KLF13: variants seen among roughly 807,000 people sequenced by gnomAD.
KLF13 encodes KLF transcription factor 13, also known as Krueppel-like factor 13.
A neutral mutation model predicts 16.7 loss-of-function variants in KLF13; 8 were observed. The ratio of observed to expected loss-of-function variants is 0.48; its 90% confidence interval spans 0.28 to 0.87. KLF13 has a LOEUF of 0.87. Ranked by LOEUF, KLF13 falls within the 40% of genes least tolerant of loss-of-function variation. The probability of loss-of-function intolerance (pLI) is 0.10; values close to 1 mark genes in which losing one functional copy is unlikely to be tolerated. For synonymous variants in KLF13, 245 were observed against 208.4 expected, an observed-to-expected ratio of 1.18 and a Z score of -1.51; for missense variants, 447 against 452.2, an observed-to-expected ratio of 0.99 and a Z score of 0.10.
intron 1 of KLF13, among the ~76,000 whole-genome samples, chr15:31,371,370 C>G (rs1181117775): frequency 6.6e-6 from 1 of 152,236 alleles, no homozygotes; most frequent in Non-Finnish European, 1.5e-5. Context: ...ACACTTGGGT[C>G]TGCAAGAGGC....
intron 1 of KLF13, among the ~76,000 whole-genome samples, chr15:31,343,071 T>G (rs1341412559): frequency 1.3e-5 from 2 of 152,226 alleles, no homozygotes; most frequent in East Asian, 1.9e-4. Context: ...CAGGCTCCTG[T>G]GCTTGGGGAG....
At chr15:31,418,833 G>T (rs2141006681) in intron 1 of KLF13, among the ~76,000 whole-genome samples, 1 of 152,254 alleles carries the variant, frequency 6.6e-6, no homozygotes, top group South Asian at 2.1e-4. Flanking sequence ...ATTTAGGTTT[G>T]GTGTGGTGGC....
intron 1 of KLF13, among the ~76,000 whole-genome samples, chr15:31,418,002 C>T (rs139460845): frequency 1.2e-4 from 18 of 152,142 alleles, no homozygotes; most frequent in African/African-American, 4.3e-4. Flanking sequence ...ATACAGGGAG[C>T]TTGTGAATAA....
chr15:31,425,965 C>A (rs929384537), intron 1 of KLF13, among the ~76,000 whole-genome samples: 20 of 152,144 alleles, frequency 1.3e-4, no homozygotes, highest in Non-Finnish European at 2.4e-4. Context: ...CACAAGATAC[C>A]CTAAATTATT....
In KLF13 at chr15:31,327,163, G is replaced by A; in HGVS notation, c.-50G>A. On this transcript the variant is annotated 5_prime_UTR_variant, in exon 1 of 2. Coordinates refer to ENST00000307145, the MANE Select transcript of KLF13 (RefSeq NM_015995.4). ...CTCCCGAGGCCGTGGGTGCGGATGC[G>A]CGGCTGACGACTCGCAGCAAGAGCA... is the stretch of plus-strand genomic sequence containing the variant. The A allele has an allele frequency of 1.6e-6, 2 of 1,252,838 alleles. No homozygotes were observed. The highest frequency in any genetic ancestry group is 2.0e-6 in the Non-Finnish European group (2 of 996,852). The allele number at this position is 1,252,838 out of a possible 1,614,324, so 77.6% of individuals were successfully genotyped here.
rs924526213 is a variant in KLF13, at chr15:31,374,103, C to T, written c.*1804C>T. 2 of 152,748 alleles carry T rather than the reference C, an allele frequency of 1.3e-5. No homozygotes were observed. Among genetic ancestry groups the T allele is most frequent in the African/African-American group, 2.4e-5 (1 of 41,438 alleles). 9.5% of individuals were successfully genotyped at this position (152,748 alleles called of 1,614,324 possible). A position where few individuals can be genotyped will look rare whatever the true frequency, so the allele number is the denominator to read the frequency against. ...CACAAACCCAGGACCCAGGCCTAGC[C>T]ACTGCCCACAGCTGATGGTCACTGT... is the stretch of plus-strand genomic sequence containing the variant. On this transcript the variant is annotated 3_prime_UTR_variant, in exon 2 of 2. Transcript: ENST00000307145.
At chr15:31,391,962 C>G (rs1449172345), upstream of KLF13, among the ~76,000 whole-genome samples, 3 of 152,076 alleles carry the variant, frequency 2.0e-5, no homozygotes, top group Non-Finnish European at 2.9e-5. Flanking sequence ...GCAGCCGGGA[C>G]GGCTGGGCCG....
upstream of KLF13, among the ~76,000 whole-genome samples, chr15:31,390,703 G>A (rs2039851854): frequency 6.6e-6 from 1 of 152,048 alleles, no homozygotes; most frequent in Admixed American, 6.5e-5. Flanking sequence ...CTCTAATCTT[G>A]TATTGTTAAT....
intron 1 of KLF13, among the ~76,000 whole-genome samples, chr15:31,337,937 T>C (rs1369738642): frequency 1.3e-5 from 2 of 152,182 alleles, no homozygotes; most frequent in Non-Finnish European, 2.9e-5. Context: ...GTGTCCCCTT[T>C]GCGGCTGACA....
At chr15:31,385,544 A>T (rs2039785471) in intron 1 of KLF13, among the ~76,000 whole-genome samples, 2 of 152,230 alleles carry the variant, frequency 1.3e-5, no homozygotes, top group Non-Finnish European at 2.9e-5. Context: ...ATTTCTCAAA[A>T]TATTTCAAAC....
chr15:31,430,219 A>C (rs866766997), intron 1 of KLF13, among the ~76,000 whole-genome samples: 49 of 152,196 alleles, frequency 3.2e-4, no homozygotes, highest in African/African-American at 1.1e-3. Flanking sequence ...TCACAAAGTG[A>C]AAGAAGATAT....
chr15:31,367,262 C>T (rs2039489423), intron 1 of KLF13, among the ~76,000 whole-genome samples: 1 of 152,210 alleles, frequency 6.6e-6, no homozygotes, highest in South Asian at 2.1e-4. Flanking sequence ...CTGTTGTGGG[C>T]CAGTTCATTG....
At chr15:31,342,917 T>G (rs566427705) in intron 1 of KLF13, among the ~76,000 whole-genome samples, 2 of 152,228 alleles carry the variant, frequency 1.3e-5, no homozygotes, top group East Asian at 3.9e-4. Context: ...ACATTTGGAG[T>G]GACTAAGGAG....
At chr15:31,358,102 C>T (rs1312061817) in intron 1 of KLF13, among the ~76,000 whole-genome samples, 1 of 152,034 alleles carries the variant, frequency 6.6e-6, no homozygotes, top group Non-Finnish European at 1.5e-5. Flanking sequence ...AGGTAGGGGG[C>T]GGCTGAGAGT....
chr15:31,419,511 T>C (rs2141007120), intron 1 of KLF13, among the ~76,000 whole-genome samples: 1 of 152,200 alleles, frequency 6.6e-6, no homozygotes, highest in Admixed American at 6.5e-5. Context: ...AGCCGAAGAT[T>C]GCAATAACTG....
chr15:31,370,975 C>T lies in KLF13; in HGVS notation c.578-1035C>T, dbSNP rs567914861. Reference sequence around the variant, plus strand: ...AGGTGGGTGGGTGAGTGGGTTTCCTCTGTTGAACATGGGTAGACCAGCTTC... The same window carrying T: ...AGGTGGGTGGGTGAGTGGGTTTCCTTTGTTGAACATGGGTAGACCAGCTTC... On this transcript the variant is annotated intron_variant, in intron 1 of 1. Transcript: ENST00000307145. 3.3e-5 allele frequency among the ~76,000 whole-genome samples: 5 copies of T among 152,172 alleles called. No homozygotes were observed. The South Asian group carries it at 1.0e-3, about 32-fold the overall frequency.
At chr15:31,423,123 G>A (rs1415535298) in intron 1 of KLF13, among the ~76,000 whole-genome samples, 7 of 111,758 alleles carry the variant, frequency 6.3e-5, no homozygotes, top group Admixed American at 1.6e-4. Flanking sequence ...GTATATATAC[G>A]TATATATACG....
In KLF13 at chr15:31,372,322, C is replaced by A; in HGVS notation, c.*23C>A. 6.9e-6 allele frequency: 10 copies of A among 1,443,374 alleles called. No individual in the cohort carries two copies. Among genetic ancestry groups the A allele is most frequent in the Non-Finnish European group, 9.1e-6 (10 of 1,102,444 alleles). 89.4% of individuals were successfully genotyped at this position (1,443,374 alleles called of 1,614,324 possible). On this transcript the variant is annotated 3_prime_UTR_variant, in exon 2 of 2. Coordinates refer to ENST00000307145, the MANE Select transcript of KLF13 (RefSeq NM_015995.4). ...TGAGCCCGCCACAGCCATGAGCAGC[C>A]GCTCCCACCCCCTCGTGAGTCCCTG...
intron 1 of KLF13, among the ~76,000 whole-genome samples, chr15:31,335,203 C>T (rs556425961): frequency 3.9e-5 from 6 of 152,080 alleles, no homozygotes; most frequent in East Asian, 1.9e-4. Flanking sequence ...ATCTTAGGTC[C>T]GTCTTCATCC....
Sources: gnomAD v4.1 joint callset for allele counts (sites outside exome capture counted in the v4.1 genomes callset) on GRCh38, gnomAD v4.1.1 for gene constraint, MANE v1.5 for transcripts, NCBI Gene and HGNC (gene_info 2026-07-23, HGNC 2026-07-21) for gene names.